AFG2A: variants seen among roughly 807,000 people sequenced by gnomAD.
AFG2A encodes the protein ATPase family gene 2 protein homolog A.
At chr4:122,977,218 C>T in the AFG2A span, among the ~76,000 whole-genome samples, 2 of 152,240 alleles carry the variant, frequency 1.3e-5, no homozygotes, top group Admixed American at 6.5e-5. Context: ...CTCGGGCCCA[C>T]TGGGCTTGTT....
the AFG2A span, among the ~76,000 whole-genome samples, chr4:123,223,653 A>G: frequency 6.6e-6 from 1 of 152,090 alleles, no homozygotes; most frequent in African/African-American, 2.4e-5. Flanking sequence ...CACCAAGGGG[A>G]ACATTCTCCC....
the AFG2A span, among the ~76,000 whole-genome samples, chr4:123,031,895 A>G: frequency 5.3e-5 from 8 of 152,300 alleles, no homozygotes; most frequent in South Asian, 4.2e-4. Context: ...TCTGGCATAT[A>G]TATGTGTTTT....
chr4:123,016,278 T>C, the AFG2A span, among the ~76,000 whole-genome samples: 1 of 150,014 alleles, frequency 6.7e-6, no homozygotes, highest in African/African-American at 2.5e-5. Context: ...CCCACCTCCC[T>C]CCCGGATGGG....
At chr4:123,091,876 T>C in the AFG2A span, among the ~76,000 whole-genome samples, 13 of 152,364 alleles carry the variant, frequency 8.5e-5, no homozygotes, top group African/African-American at 1.9e-4. Flanking sequence ...GCTGGCATTA[T>C]TGCCTTGTGT....
chr4:123,284,792 G>A, the AFG2A span, among the ~76,000 whole-genome samples: 8 of 152,088 alleles, frequency 5.3e-5, no homozygotes, highest in Non-Finnish European at 1.2e-4. Flanking sequence ...ATTTTACAGA[G>A]GATTTTTGGA....
chr4:122,951,628 G>C, the AFG2A span, among the ~76,000 whole-genome samples: 3 of 152,212 alleles, frequency 2.0e-5, no homozygotes, highest in African/African-American at 7.2e-5. Flanking sequence ...CCACCTGTGA[G>C]TACACAGGAC....
chr4:123,272,313 G>A, the AFG2A span, among the ~76,000 whole-genome samples: 1 of 151,954 alleles, frequency 6.6e-6, no homozygotes, highest in South Asian at 2.1e-4. Context: ...GTACACAAAA[G>A]TCCATTTTCA....
At chr4:123,169,292 C>T in the AFG2A span, among the ~76,000 whole-genome samples, 1 of 152,118 alleles carries the variant, frequency 6.6e-6, no homozygotes, top group Non-Finnish European at 1.5e-5. Flanking sequence ...ATTATGTTCA[C>T]ATGCTATAAG....
At chr4:123,076,460 G>C in the AFG2A span, among the ~76,000 whole-genome samples, 3 of 151,942 alleles carry the variant, frequency 2.0e-5, 1 homozygote, top group South Asian at 6.2e-4. Flanking sequence ...AGTTATTTAT[G>C]TTTGCAACAT....
At chr4:123,284,054 T>A in the AFG2A span, among the ~76,000 whole-genome samples, 1 of 152,312 alleles carries the variant, frequency 6.6e-6, no homozygotes, top group South Asian at 2.1e-4. Context: ...ACAGTAAAGG[T>A]AAGCGGAAAT....
the AFG2A span, among the ~76,000 whole-genome samples, chr4:123,273,053 C>G: frequency 5.3e-5 from 8 of 152,092 alleles, no homozygotes; most frequent in Non-Finnish European, 1.2e-4. Context: ...AGACTTTATT[C>G]TCTTATATTA....
the AFG2A span, among the ~76,000 whole-genome samples, chr4:123,236,208 C>G: frequency 2.0e-5 from 3 of 152,142 alleles, no homozygotes; most frequent in South Asian, 2.1e-4. Flanking sequence ...TTTCCCTAAA[C>G]GCATTCAAGA....
At chr4:123,189,600 G>A in the AFG2A span, among the ~76,000 whole-genome samples, 1 of 152,042 alleles carries the variant, frequency 6.6e-6, no homozygotes, top group African/African-American at 2.4e-5. Flanking sequence ...GGGCCATCCA[G>A]AGTGGCTGTA....
the AFG2A span, among the ~76,000 whole-genome samples, chr4:123,169,140 G>A: frequency 6.6e-6 from 1 of 152,220 alleles, no homozygotes; most frequent in Non-Finnish European, 1.5e-5. Flanking sequence ...ATTACAGTAA[G>A]TGAGGGCTCA....
At chr4:123,144,131 C>T in the AFG2A span, among the ~76,000 whole-genome samples, 1 of 151,976 alleles carries the variant, frequency 6.6e-6, no homozygotes, top group Non-Finnish European at 1.5e-5. Flanking sequence ...CAAGAATAAT[C>T]TACACCTATG....
At chr4:123,023,186 A>AATAATG in the AFG2A span, among the ~76,000 whole-genome samples, 2 of 151,842 alleles carry the variant, frequency 1.3e-5, no homozygotes, top group African/African-American at 4.8e-5. Flanking sequence ...AAAGTATAAT[A>AATAATG]ATAATGATAA....
chr4:123,250,650 T>C, the AFG2A span, among the ~76,000 whole-genome samples: 4 of 152,180 alleles, frequency 2.6e-5, no homozygotes, highest in Admixed American at 2.6e-4. Context: ...CTGTTACAGA[T>C]GTAGAGACTT....
the AFG2A span, among the ~76,000 whole-genome samples, chr4:123,056,029 C>T: frequency 6.6e-6 from 1 of 152,178 alleles, no homozygotes; most frequent in Non-Finnish European, 1.5e-5. Context: ...GTAAGTAGAC[C>T]TGCTTAGAGC....
the AFG2A span, among the ~76,000 whole-genome samples, chr4:123,247,178 C>G: frequency 6.6e-6 from 1 of 151,930 alleles, no homozygotes. Context: ...AAATACACAT[C>G]TCAAATGGGT....
Sources: gnomAD v4.1 joint callset for allele counts (sites outside exome capture counted in the v4.1 genomes callset) on GRCh38, gnomAD v4.1.1 for gene constraint, MANE v1.5 for transcripts, NCBI Gene and HGNC (gene_info 2026-07-23, HGNC 2026-07-21) for gene names.